Variants in NACAD observed in about 807,000 individuals in gnomAD.
NACAD encodes the protein NAC-alpha domain-containing protein 1.
In NACAD, 47 loss-of-function variants were observed where a neutral mutation model predicts 98.9. The ratio of observed to expected loss-of-function variants is 0.48; its 90% CI spans 0.38 to 0.61. NACAD has a LOEUF of 0.61. NACAD is among the 20% of genes least tolerant of loss of function. The pLI is 0.00. For synonymous variants in NACAD, 696 were observed against 767.2 expected (o/e 0.91, Z 1.53); for missense variants, 1,412 against 1,748.2 (o/e 0.81, Z 3.43).
In NACAD at chr7:45,088,823, C is replaced by T; in HGVS notation, c.67+5G>A. On this transcript the variant is annotated splice_donor_5th_base_variant and intron_variant, in intron 1 of 7. Transcript: ENST00000490531. This position sits in a 1 kb window ranked among gnomAD's most constrained non-coding sequence, Gnocchi z 5.7. ...AAGGCAGGGAAAGAGTGGCCACGGC[C>T]TCACCTGTGCGGGGCCCGGGTCGGT... is the stretch of plus-strand genomic sequence containing the variant. 1 of 1,492,528 alleles carries T rather than the reference C, an allele frequency of 6.7e-7. No individual in the cohort carries two copies. The highest frequency in any genetic ancestry group is 8.9e-7 in the Non-Finnish European group (1 of 1,125,964). The allele number at this position is 1,492,528 out of a possible 1,614,324, so 92.5% of individuals were successfully genotyped here.
chr7:45,082,391 C>T lies in NACAD; in HGVS notation c.3789G>A (p.Glu1263=), dbSNP rs866484645. 1.9e-6 allele frequency: 3 copies of T among 1,549,844 alleles called. No homozygotes were observed. The highest frequency in any genetic ancestry group is 1.7e-4 in the Middle Eastern group (1 of 5,984). The part of the protein sequence containing the change: ...DPQEDSVEDE[E]PPGSLGLPPP... The stretch of plus-strand genomic sequence containing the variant: ...GTGGGAGGCCCAGAGAGCCTGGGGG[C>T]TCCTCGTCTTCCACAGAGTCTTCCT... Residue 1263 remains glutamate (E), a synonymous_variant, in exon 2 of 8, where the codon GAG becomes GAA. Coordinates refer to ENST00000490531, the MANE Select transcript of NACAD (RefSeq NM_001146334.2). This position sits in a 1 kb window ranked among gnomAD's most constrained non-coding sequence, Gnocchi z 4.5.
chr7:45,083,087 A>T lies in NACAD; in HGVS notation c.3093T>A (p.Pro1031=), dbSNP rs1226528344. 3 of 1,550,806 alleles carry T rather than the reference A, an allele frequency of 1.9e-6. No individual in the cohort carries two copies. Among genetic ancestry groups the T allele is most frequent in the Non-Finnish European group, 2.6e-6 (3 of 1,146,996 alleles). ...STLGMEALSL[P]EPASGAGEEI... is the part of the protein sequence containing the mutation. Reference sequence around the variant, plus strand: ...CCTCCCCAGCACCAGAGGCCGGCTCAGGGAGACTGAGGGCCTCCATGCCCA... The same window carrying T: ...CCTCCCCAGCACCAGAGGCCGGCTCTGGGAGACTGAGGGCCTCCATGCCCA... The change falls in exon 2 of 8, where the codon CCT becomes CCA. Residue 1031 remains proline, a synonymous_variant. Coordinates refer to ENST00000490531, the MANE Select transcript of NACAD (RefSeq NM_001146334.2).
In NACAD at chr7:45,085,969, T is replaced by C; in HGVS notation, c.211A>G (p.Ser71Gly). The C allele has an allele frequency of 6.5e-7, 1 of 1,538,086 alleles. No individual in the cohort carries two copies. The highest frequency in any genetic ancestry group is 8.8e-7 in the Non-Finnish European group (1 of 1,141,742). The stretch of plus-strand genomic sequence containing the variant: ...GCCCCACCAGGCCCTGCATCCCAGC[T>C]GGCTCCCTCGGGCTGGGGCCGGGCA... ...PGARPQPEGA[S>G]WDAGPGGAPS... Residue 71 changes from serine to glycine, a missense_variant, in exon 2 of 8, where the codon AGC becomes GGC. Ser to Gly is a moderately conservative substitution (Grantham distance 56, BLOSUM62 0). Coordinates refer to ENST00000490531, the MANE Select transcript of NACAD (RefSeq NM_001146334.2). The surrounding 1 kb of genome is among the most constrained non-coding windows in gnomAD (Gnocchi z 6.1).
chr7:45,082,961 G>A lies in NACAD; in HGVS notation c.3219C>T (p.Thr1073=). 1 of 1,551,028 alleles carries A rather than the reference G, an allele frequency of 6.4e-7. No individual in the cohort carries two copies. Among genetic ancestry groups the A allele is most frequent in the Non-Finnish European group, 8.7e-7 (1 of 1,146,990 alleles). ...GAKPDSPQKE[T]LEVENQQEGG... ...CTTCCTGCTGGTTCTCAACCTCCAGGGTCTCCTTTTGGGGTGAGTCAGGCT... is the reference window on the plus strand; with the variant it reads ...CTTCCTGCTGGTTCTCAACCTCCAGAGTCTCCTTTTGGGGTGAGTCAGGCT... Residue 1073 remains threonine (T), a synonymous_variant, in exon 2 of 8, where the codon ACC becomes ACT. Transcript: ENST00000490531. This position sits in a 1 kb window ranked among gnomAD's most constrained non-coding sequence, Gnocchi z 4.5.
chr7:45,085,671 G>A lies in NACAD; in HGVS notation c.509C>T (p.Pro170Leu). Residue 170 changes from proline to leucine, a missense_variant, in exon 2 of 8, where the codon CCT (proline) becomes CTT (leucine). Pro to Leu is a moderately conservative substitution (Grantham distance 98). This residue lies in a region of NACAD where 638 missense variants were observed against 722.7 expected (regional missense o/e 0.88). Coordinates refer to ENST00000490531, the MANE Select transcript of NACAD (RefSeq NM_001146334.2). This position sits in a 1 kb window ranked among gnomAD's most constrained non-coding sequence, Gnocchi z 6.1. ...GGAGGGAGGCGTGAAGAAGGAATCA[G>A]GGTCTGGGGGAGGGGAAGGCACAGA... ...DLSVPSPPPD[P>L]DSFFTPPSTP... 6.5e-7 allele frequency: 1 copy of A among 1,549,384 alleles called. No individual in the cohort carries two copies. Among genetic ancestry groups the A allele is most frequent in the Middle Eastern group, 1.7e-4 (1 of 5,968 alleles).
rs376473024 is a variant in NACAD at position 45,084,922 on chromosome 7, C to T, written c.1258G>A (p.Val420Ile). 2 of 1,551,062 alleles carry T rather than the reference C, an allele frequency of 1.3e-6. No homozygotes were observed. The highest frequency in any genetic ancestry group is 2.7e-5 in the African/African-American group (2 of 73,056). ...HAQATLLQDS[V>I]QKTEEESGGG... ...CCGCTCTCCTCCTCTGTCTTCTGGA[C>T]ACTGTCCTGGAGCAAAGTGGCCTGG... is the stretch of plus-strand genomic sequence containing the variant. The change falls in exon 2 of 8, where the codon GTC becomes ATC. Residue 420 changes from valine (V) to isoleucine (I), a missense_variant. Coordinates refer to ENST00000490531, the MANE Select transcript of NACAD (RefSeq NM_001146334.2).
chr7:45,080,876 C>T lies in NACAD; in HGVS notation c.4551G>A (p.Glu1517=), dbSNP rs762773124. 8 of 1,556,304 alleles carry T rather than the reference C, an allele frequency of 5.1e-6. No individual in the cohort carries two copies. The highest frequency in any genetic ancestry group is 1.4e-5 in the African/African-American group (1 of 73,260). The change falls in exon 6 of 8, where the codon GAG becomes GAA. Residue 1517 remains glutamate (E), a splice_region_variant and synonymous_variant. Coordinates refer to ENST00000490531, the MANE Select transcript of NACAD (RefSeq NM_001146334.2). ...AGGCCCTGGAGCCCCTGCACTTCAC[C>T]TCTTCCTCCTCCTCCTCTTCCTCTT... is the stretch of plus-strand genomic sequence containing the variant. ...CKEEEEEEEE[E]VDEAGLELRD...
At position 45,081,856 on chromosome 7, in the gene NACAD, C is replaced by A; in HGVS notation, c.4084G>T (p.Ala1362Ser). 6.5e-7 allele frequency: 1 copy of A among 1,546,020 alleles called. No homozygotes were observed. ...TCCGAATGCTGGCCCGAGCCCAGGG[C>A]CCGAGGCGAGTCTGGGGAAGGGGAG... is the stretch of plus-strand genomic sequence containing the variant. ...EDSLEEDSPR[A>S]LGSGQHSDSH... is the part of the protein sequence containing the mutation. Residue 1362 changes from alanine to serine, a missense_variant, in exon 3 of 8, where the codon GCC becomes TCC. Ala to Ser is a moderately conservative substitution (Grantham distance 99). Coordinates refer to ENST00000490531, the MANE Select transcript of NACAD (RefSeq NM_001146334.2).
Position 45,082,178 on chromosome 7 carries a change from G to A in NACAD, c.4002C>T (p.Pro1334=), listed in dbSNP as rs758234818. The A allele has an allele frequency of 4.6e-6, 7 of 1,517,604 alleles. No individual in the cohort carries two copies. In the South Asian group the frequency reaches 6.4e-5, roughly 14 times the overall value. The allele number at this position is 1,517,604 out of a possible 1,614,324, so 94.0% of individuals were successfully genotyped here. A position where few individuals can be genotyped will look rare whatever the true frequency, so the allele number is the denominator to read the frequency against. Residue 1334 remains proline (P), a synonymous_variant, in exon 2 of 8, where the codon CCC becomes CCT. Transcript: ENST00000490531. This position sits in a 1 kb window ranked among gnomAD's most constrained non-coding sequence, Gnocchi z 4.5. ...PPCQVPPPSG[P]QSPAGPQGLS... ...GCCCTTGAGGGCCAGCTGGGCTCTG[G>A]GGCCCAGAGGGAGGAGGCACTTGGC... is the stretch of plus-strand genomic sequence containing the variant.
chr7:45,080,841 A>G, intron 6 of NACAD, 35 bp downstream of exon 6: 2 of 1,547,720 alleles, frequency 1.3e-6, no homozygotes, highest in East Asian at 4.9e-5. Flanking sequence ...GCCTCCCACC[A>G]CCCCCTGCGA....
In NACAD at chr7:45,085,030, TGTC is replaced by T. The variant is rs2128641147; in HGVS notation, c.1147_1149del (p.Asp383del). The T allele has an allele frequency of 1.3e-6, 2 of 1,550,802 alleles. No individual in the cohort carries two copies. The highest frequency in any genetic ancestry group is 2.0e-5 in the Admixed American group (1 of 50,984). On this transcript the variant is annotated inframe_deletion, in exon 2 of 8. Coordinates refer to ENST00000490531, the MANE Select transcript of NACAD (RefSeq NM_001146334.2). The surrounding 1 kb of genome is among the most constrained non-coding windows in gnomAD (Gnocchi z 6.1). The stretch of plus-strand genomic sequence containing the variant: ...TCTGAATCAGAGGAGGCTGCAGAGG[TGTC>T]GTCCCGGAAGGCAAAAGCCTCGTCC...
rs1180943927 is a variant in NACAD at position 45,084,799 on chromosome 7, T to C, written c.1381A>G (p.Arg461Gly). Residue 461 changes from arginine to glycine, a missense_variant, in exon 2 of 8, where the codon AGA becomes GGA. This residue lies in a region of NACAD where 638 missense variants were observed against 722.7 expected (regional missense o/e 0.88). Coordinates refer to ENST00000490531, the MANE Select transcript of NACAD (RefSeq NM_001146334.2). ...TSDRGAYLSQ[R>G]QELISEVTEE... ...GTTACTTCTGAGATCAATTCCTGTC[T>C]CTGGGACAGATAGGCCCCTCTGTCT... The C allele has an allele frequency of 1.3e-6, 2 of 1,551,004 alleles. No individual in the cohort carries two copies. The highest frequency in any genetic ancestry group is 2.4e-5 in the South Asian group (2 of 84,012).
intron 2 of NACAD, 114 bp downstream of exon 2, chr7:45,081,994 G>A: frequency 6.9e-7 from 1 of 1,449,682 alleles, no homozygotes. Flanking sequence ...TGGTGGCTGT[G>A]GGGTCTGGGC....
rs1195277553 is a variant in NACAD, at chr7:45,084,881, C to G, written c.1299G>C (p.Gly433=). The change falls in exon 2 of 8, where the codon GGG becomes GGC. Residue 433 remains glycine (G), a synonymous_variant. Transcript: ENST00000490531. The part of the protein sequence containing the change: ...TEEESGGGAK[G]LQAQDGTVSW... ...ACACAGTCCCATCCTGAGCCTGCAG[C>G]CCCTTGGCCCCACCTCCGCTCTCCT... is the stretch of plus-strand genomic sequence containing the variant. 6.4e-7 allele frequency: 1 copy of G among 1,551,050 alleles called. No homozygotes were observed. Among genetic ancestry groups the G allele is most frequent in the South Asian group, 1.2e-5 (1 of 84,056 alleles).
Position 45,084,550 on chromosome 7 carries a change from C to T in NACAD, c.1630G>A (p.Glu544Lys). ...TCTTCCTGTGGAGTTGGAAGTTTTT[C>T]TGCAGTGACAGACTCTTGGCCTAAG... Reference protein sequence around the residue: ...EILGQESVTAEKLPTPQEETS... With the variant: ...EILGQESVTAKKLPTPQEETS... The change falls in exon 2 of 8, where the codon GAA becomes AAA. Residue 544 changes from glutamate to lysine, a missense_variant. Physicochemically the swap from Glu to Lys is moderately conservative, Grantham distance 56 (BLOSUM62 1). This residue lies in a region of NACAD where 638 missense variants were observed against 722.7 expected (regional missense o/e 0.88). Transcript: ENST00000490531. 1 of 1,552,162 alleles carries T rather than the reference C, an allele frequency of 6.4e-7. No homozygotes were observed.
rs899933305 is a variant in NACAD at position 45,082,965 on chromosome 7, T to C, written c.3215A>G (p.Glu1072Gly). 2 of 1,551,032 alleles carry C rather than the reference T, an allele frequency of 1.3e-6. No homozygotes were observed. The highest frequency in any genetic ancestry group is 2.7e-5 in the African/African-American group (2 of 73,170). ...CTGCTGGTTCTCAACCTCCAGGGTCTCCTTTTGGGGTGAGTCAGGCTTAGC... is the reference window on the plus strand; with the variant it reads ...CTGCTGGTTCTCAACCTCCAGGGTCCCCTTTTGGGGTGAGTCAGGCTTAGC... ...DGAKPDSPQKETLEVENQQEG... is the reference protein window; with the variant it reads ...DGAKPDSPQKGTLEVENQQEG... The change falls in exon 2 of 8, where the codon GAG becomes GGG. Residue 1072 changes from glutamate to glycine, a missense_variant. By Grantham distance (98) the Glu-to-Gly change is moderately conservative (BLOSUM62 -2). This residue lies in a region of NACAD where 572 missense variants were observed against 639.6 expected (regional missense o/e 0.89). Transcript: ENST00000490531. The surrounding 1 kb of genome is among the most constrained non-coding windows in gnomAD (Gnocchi z 4.5).
In NACAD at chr7:45,085,930, C is replaced by A; in HGVS notation, c.250G>T (p.Ala84Ser). Residue 84 changes from alanine (A) to serine (S), a missense_variant, in exon 2 of 8, where the codon GCG (alanine) becomes TCG (serine). Ala to Ser is a moderately conservative substitution (Grantham distance 99). This residue lies in a region of NACAD where 638 missense variants were observed against 722.7 expected (regional missense o/e 0.88). Coordinates refer to ENST00000490531, the MANE Select transcript of NACAD (RefSeq NM_001146334.2). This position sits in a 1 kb window ranked among gnomAD's most constrained non-coding sequence, Gnocchi z 6.1. ...AGPGGAPSAW[A>S]DPGEGGPSPM... Reference sequence around the variant, plus strand: ...CTTGGGCCGCCCTCCCCTGGGTCCGCCCAGGCCGAGGGTGCCCCACCAGGC... The same window carrying A: ...CTTGGGCCGCCCTCCCCTGGGTCCGACCAGGCCGAGGGTGCCCCACCAGGC... 6.5e-7 allele frequency: 1 copy of A among 1,543,108 alleles called. No homozygotes were observed. Among genetic ancestry groups the A allele is most frequent in the Non-Finnish European group, 8.7e-7 (1 of 1,143,884 alleles).
intron 2 of NACAD, 31 bp from the exon 3 acceptor site, chr7:45,081,898 T>C: frequency 6.5e-7 from 1 of 1,534,012 alleles, no homozygotes. Context: ...GAGGATGGCC[T>C]TTTGCTTCTA....
chr7:45,080,726 G>A lies in NACAD; in HGVS notation c.4588C>T (p.Leu1530=). Residue 1530 remains leucine, a synonymous_variant, in exon 7 of 8, where the codon CTG becomes TTG. Coordinates refer to ENST00000490531, the MANE Select transcript of NACAD (RefSeq NM_001146334.2). ...EAGLELRDIE[L]VMAQANVSRA... is the part of the protein sequence containing the mutation. ...GACACATTGGCCTGCGCCATCACCA[G>A]CTCAATGTCACGCAGTTCCAGCCCC... The A allele has an allele frequency of 6.4e-7, 1 of 1,551,066 alleles. No individual in the cohort carries two copies. The highest frequency in any genetic ancestry group is 8.7e-7 in the Non-Finnish European group (1 of 1,146,954).
Sources: gnomAD v4.1 joint callset for allele counts on GRCh38, gnomAD v4.1.1 for gene constraint, gnomAD v4.1.1 regional missense constraint, Gnocchi (gnomAD v3.1) non-coding constraint, MANE v1.5 for transcripts, NCBI Gene and HGNC (gene_info 2026-07-23, HGNC 2026-07-21) for gene names.